RAB33A: variants seen among roughly 807,000 people sequenced by gnomAD.
The protein encoded by RAB33A is RAB33A, member RAS oncogene family, also known as ras-related protein Rab-33A.
A neutral mutation model predicts 12.0 loss-of-function variants in RAB33A; 6 were observed. The observed-to-expected ratio is 0.50, with a 90% CI of 0.27 to 0.99. RAB33A has a LOEUF of 0.99. RAB33A is among the 50% of genes least tolerant of loss of function. The pLI is 0.11. For synonymous variants in RAB33A, 70 were observed against 82.4 expected (o/e 0.85, Z 0.81); for missense variants, 109 against 192.0 (o/e 0.57, Z 2.55).
the RAB33A span, among the ~76,000 whole-genome samples, chrX:130,166,733 C>T: frequency 3.6e-5 from 4 of 111,701 alleles, no homozygotes; most frequent in Admixed American, 3.8e-4. Context: ...CGGATGGTCC[C>T]CGACTTACCC....
the RAB33A span, chrX:130,147,663 C>A: frequency 1.7e-6 from 2 of 1,211,725 alleles, no homozygotes; most frequent in Non-Finnish European, 2.2e-6. Flanking sequence ...AGAGCCAAGT[C>A]ATTTAAGGGG....
At chrX:130,157,499 G>A in the RAB33A span, among the ~76,000 whole-genome samples, 2 of 111,965 alleles carry the variant, frequency 1.8e-5, no homozygotes, top group Admixed American at 9.5e-5. Context: ...TCAGCTTTCT[G>A]GGCCATTTGG....
the RAB33A span, among the ~76,000 whole-genome samples, chrX:130,143,259 G>A: frequency 3.6e-5 from 4 of 111,699 alleles, no homozygotes; most frequent in African/African-American, 9.8e-5. Flanking sequence ...TCCCCTGGGC[G>A]TGGCAGTCAT....
chrX:130,132,443 T>G, the RAB33A span, among the ~76,000 whole-genome samples: 1 of 113,075 alleles, frequency 8.8e-6, no homozygotes, highest in African/African-American at 3.2e-5. Flanking sequence ...GTCTTGAAAT[T>G]CCCTTTTTGA....
At chrX:130,157,872 T>C in the RAB33A span, among the ~76,000 whole-genome samples, 1 of 107,121 alleles carries the variant, frequency 9.3e-6, no homozygotes, top group Non-Finnish European at 1.9e-5. Context: ...GGAGAATCGC[T>C]TGAACCCGGG....
chrX:130,163,397 C>T, the RAB33A span, among the ~76,000 whole-genome samples: 1 of 110,422 alleles, frequency 9.1e-6, no homozygotes, highest in African/African-American at 3.3e-5. Context: ...CAAAAACACA[C>T]GGTAGATGCT....
chrX:130,139,160 T>C, the RAB33A span, among the ~76,000 whole-genome samples: 1 of 101,925 alleles, frequency 9.8e-6, no homozygotes, highest in Non-Finnish European at 2.0e-5. Context: ...ACGTCCCTAC[T>C]AAAAATACAA....
chrX:130,119,997 T>C, the RAB33A span, among the ~76,000 whole-genome samples: 1 of 111,708 alleles, frequency 9.0e-6, no homozygotes. Context: ...CCTCAACAAC[T>C]TTTCCCCACA....
At chrX:130,158,358 G>C in the RAB33A span, among the ~76,000 whole-genome samples, 1 of 112,236 alleles carries the variant, frequency 8.9e-6, no homozygotes, top group Non-Finnish European at 1.9e-5. Flanking sequence ...GACTGGCTTT[G>C]GCCTGTGGCT....
At chrX:130,178,777 G>T (rs1478842229) in intron 1 of RAB33A, among the ~76,000 whole-genome samples, 2 of 108,428 alleles carry the variant, frequency 1.8e-5, no homozygotes, top group Non-Finnish European at 3.8e-5. Flanking sequence ...TCAGCCTCCC[G>T]AGTAGCTGGG....
the RAB33A span, among the ~76,000 whole-genome samples, chrX:130,161,538 G>T: frequency 9.5e-6 from 1 of 105,055 alleles, no homozygotes; most frequent in Middle Eastern, 4.9e-3. Context: ...AAAAACACAG[G>T]ACAAGCCTAG....
At chrX:130,133,424 T>C in the RAB33A span, 1 of 1,210,572 alleles carries the variant, frequency 8.3e-7, no homozygotes, top group Non-Finnish European at 1.1e-6. Flanking sequence ...CCTTCCCAAC[T>C]TTATATCGTA....
chrX:130,142,748 C>T, the RAB33A span, among the ~76,000 whole-genome samples: 2 of 111,326 alleles, frequency 1.8e-5, no homozygotes, highest in African/African-American at 3.3e-5. Context: ...TGGGTTCAAG[C>T]GATTCTCGTG....
the RAB33A span, among the ~76,000 whole-genome samples, chrX:130,114,754 C>T: frequency 8.9e-6 from 1 of 112,270 alleles, no homozygotes; most frequent in Non-Finnish European, 1.9e-5. Context: ...TACTTGCACA[C>T]TCAACTTGCC....
chrX:130,140,873 T>G, the RAB33A span, among the ~76,000 whole-genome samples: 2 of 111,701 alleles, frequency 1.8e-5, no homozygotes, highest in Non-Finnish European at 3.8e-5. Flanking sequence ...TCCCAACACT[T>G]TGGGAGGCTG....
At chrX:130,129,185 A>G in the RAB33A span, among the ~76,000 whole-genome samples, 4 of 111,372 alleles carry the variant, frequency 3.6e-5, no homozygotes, top group African/African-American at 1.3e-4. Flanking sequence ...AGGTGTGTGC[A>G]AAGAGGTCTG....
At chrX:130,124,279 A>C in the RAB33A span, among the ~76,000 whole-genome samples, 1 of 112,252 alleles carries the variant, frequency 8.9e-6, no homozygotes, top group African/African-American at 3.2e-5. Flanking sequence ...TCCAGAGCCT[A>C]GTACAGTACT....
the RAB33A span, among the ~76,000 whole-genome samples, chrX:130,139,569 CAAGCAATA>C: frequency 9.0e-6 from 1 of 111,013 alleles, no homozygotes; most frequent in Non-Finnish European, 1.9e-5. Flanking sequence ...GGATCTATTG[CAAGCAATA>C]CAAACACTCC....
At chrX:130,111,143 G>A in the RAB33A span, among the ~76,000 whole-genome samples, 2 of 108,722 alleles carry the variant, frequency 1.8e-5, no homozygotes, top group Non-Finnish European at 3.9e-5. Flanking sequence ...TTCCCCTCGC[G>A]GCTCGCTCGC....
Sources: gnomAD v4.1 joint callset for allele counts (sites outside exome capture counted in the v4.1 genomes callset) on GRCh38, gnomAD v4.1.1 for gene constraint, MANE v1.5 for transcripts, NCBI Gene and HGNC (gene_info 2026-07-23, HGNC 2026-07-21) for gene names.